FBXL2: variants seen among roughly 807,000 people sequenced by gnomAD.
FBXL2 encodes F-box and leucine rich repeat protein 2, also known as F-box/LRR-repeat protein 2.
FBXL2 carries 38 observed loss-of-function variants against 69.2 expected under a neutral mutation model. The ratio of observed to expected loss-of-function variants is 0.55; its 90% confidence interval spans 0.42 to 0.72. The LOEUF is 0.72. FBXL2 is among the 30% of genes least tolerant of loss of function. FBXL2 has a pLI of 0.00. For synonymous variants in FBXL2, 192 were observed against 201.3 expected, an observed-to-expected ratio of 0.95 and a Z score of 0.39; for missense variants, 354 against 520.3, an observed-to-expected ratio of 0.68 and a Z score of 3.11.
intron 2 of FBXL2, among the ~76,000 whole-genome samples, chr3:33,315,704 CTG>C (rs1305414340): frequency 6.6e-6 from 1 of 152,004 alleles, no homozygotes; most frequent in Admixed American, 6.6e-5. Flanking sequence ...CTGATTTACA[CTG>C]TTCTTTCATG....
At chr3:33,291,121 G>C (rs2035179734) in intron 1 of FBXL2, among the ~76,000 whole-genome samples, 1 of 152,110 alleles carries the variant, frequency 6.6e-6, no homozygotes, top group South Asian at 2.1e-4. Flanking sequence ...TGTAGAGACA[G>C]TGTCTTACTG....
At chr3:33,291,779 G>A (rs2035249458) in intron 1 of FBXL2, among the ~76,000 whole-genome samples, 1 of 152,052 alleles carries the variant, frequency 6.6e-6, no homozygotes, top group Admixed American at 6.6e-5. Context: ...ACAAAGAAGA[G>A]AAGCAAATGG....
chr3:33,379,297 TGACCTGAATTAGCA>T, intron 13 of FBXL2, among the ~76,000 whole-genome samples: 1 of 151,878 alleles, frequency 6.6e-6, no homozygotes, highest in South Asian at 2.1e-4. Context: ...CTACCGCACC[TGACCTGAATTAGCA>T]TCAATTCTAT....
chr3:33,393,584 G>A, intron 12 of FBXL2: 3 of 793,254 alleles, frequency 3.8e-6, no homozygotes, highest in Non-Finnish European at 3.6e-6. Context: ...CATTTTAAAT[G>A]GGAATAAACT....
intron 3 of FBXL2, 113 bp from the exon 4 acceptor site, chr3:33,359,170 A>G: frequency 4.1e-6 from 4 of 984,250 alleles, no homozygotes; most frequent in East Asian, 2.6e-5. Context: ...TTAACTTAAT[A>G]TACATCAAAA....
At chr3:33,363,553 C>T (rs2041768846) in intron 4 of FBXL2, among the ~76,000 whole-genome samples, 1 of 152,202 alleles carries the variant, frequency 6.6e-6, no homozygotes, top group Non-Finnish European at 1.5e-5. Context: ...GCAAGCACCT[C>T]AGCTGGTGAT....
intron 2 of FBXL2, among the ~76,000 whole-genome samples, chr3:33,304,894 A>G (rs2036583388): frequency 6.6e-6 from 1 of 152,016 alleles, no homozygotes; most frequent in African/African-American, 2.4e-5. Flanking sequence ...CCTGGATTCT[A>G]GTAATGTTGA....
At position 33,287,156 on chromosome 3, in the gene FBXL2, C is replaced by T. The variant is rs1460647002; in HGVS notation, c.3+9641C>T. On this transcript the variant is annotated intron_variant, in intron 1 of 14. Coordinates refer to ENST00000484457, the MANE Select transcript of FBXL2 (RefSeq NM_012157.5). Reference sequence around the variant, plus strand: ...TTCCCATTCCGCCATCTTGGAACCTCCCACCCTAAAGTGATTTTTTTTTAA... The same window carrying T: ...TTCCCATTCCGCCATCTTGGAACCTTCCACCCTAAAGTGATTTTTTTTTAA... Among the ~76,000 whole-genome samples, 3 of 152,152 alleles carry T rather than the reference C, an allele frequency of 2.0e-5. No individual in the cohort carries two copies. The South Asian group carries it at 6.2e-4, about 32-fold the overall frequency.
chr3:33,397,249 T>A (rs2044036328), intron 12 of FBXL2: 2 of 678,568 alleles, frequency 2.9e-6, no homozygotes, highest in Non-Finnish European at 4.8e-6. Context: ...ATATCCTGAA[T>A]ACACACATAC....
chr3:33,411,347 C>T, the FBXL2 span, among the ~76,000 whole-genome samples: 1 of 152,074 alleles, frequency 6.6e-6, no homozygotes, highest in African/African-American at 2.4e-5. Flanking sequence ...ATTGGGACTA[C>T]TAGTGGTAAA....
At chr3:33,336,672 C>T (rs1010255443) in intron 2 of FBXL2, among the ~76,000 whole-genome samples, 26 of 152,088 alleles carry the variant, frequency 1.7e-4, no homozygotes, top group Admixed American at 1.2e-3. Flanking sequence ...TTTGGGAGAC[C>T]GAGGTGGGTG....
intron 2 of FBXL2, among the ~76,000 whole-genome samples, chr3:33,335,487 C>T (rs1355570114): frequency 6.6e-6 from 1 of 151,940 alleles, no homozygotes. Flanking sequence ...AAACCGTGAG[C>T]CAAGATTGCA....
intron 2 of FBXL2, among the ~76,000 whole-genome samples, chr3:33,314,343 C>G (rs1343932218): frequency 6.6e-5 from 10 of 152,148 alleles, no homozygotes; most frequent in Admixed American, 6.5e-4. Context: ...TTCCCAGCCC[C>G]TAGCAACCAC....
At position 33,395,750 on chromosome 3, in the gene FBXL2, GAAAAAAAAAAA is replaced by G. The variant is rs61654235; in HGVS notation, n.1215-7471_1215-7461del. ...CTCCCCATACCTAGTCAGGAAAATT[GAAAAAAAAAAA>G]AAAAAAAAAAAAGAAAAAGGAAAGA... On this transcript the variant is annotated intron_variant and non_coding_transcript_variant, in intron 12 of 12. Coordinates refer to the FBXL2 transcript ENST00000463736. Among the ~76,000 whole-genome samples the G allele has an allele frequency of 9.0e-4, 63 of 69,796 alleles. 1 individual carries two copies. Among genetic ancestry groups the G allele is most frequent in the African/African-American group, 3.6e-3 (58 of 15,988 alleles). 45.8% of individuals were successfully genotyped at this position (69,796 alleles called of 152,430 possible).
chr3:33,394,195 TTATTA>T (rs2043877111), intron 12 of FBXL2, among the ~76,000 whole-genome samples: 1 of 62,868 alleles, frequency 1.6e-5, no homozygotes, highest in African/African-American at 7.9e-5. Context: ...CTAATTTTTA[TTATTA>T]TTATTATTAT....
chr3:33,299,604 A>G (rs1483333709), intron 2 of FBXL2, among the ~76,000 whole-genome samples: 1 of 152,208 alleles, frequency 6.6e-6, no homozygotes. Context: ...GAAATGGGGT[A>G]AGGACTTAGC....
In FBXL2 at chr3:33,387,618, A is replaced by AAAACAAAAC; in HGVS notation, c.*2017_*2018insACAAACAAA. The AAAACAAAAC allele has an allele frequency of 6.6e-6, 1 of 150,406 alleles. No individual in the cohort carries two copies. Among genetic ancestry groups the AAAACAAAAC allele is most frequent in the African/African-American group, 2.5e-5 (1 of 39,958 alleles). The allele number at this position is 150,406 out of a possible 1,614,324, so 9.3% of individuals were successfully genotyped here. ...TGAGACTCCATCATCATCTCAAAAC[A>AAAACAAAAC]AAACAAACAAACAAACAAAACAAAC... On this transcript the variant is annotated 3_prime_UTR_variant, in exon 15 of 15. Coordinates refer to ENST00000484457, the MANE Select transcript of FBXL2 (RefSeq NM_012157.5).
intron 2 of FBXL2, among the ~76,000 whole-genome samples, chr3:33,322,855 G>C (rs573059111): frequency 5.9e-5 from 9 of 152,244 alleles, no homozygotes; most frequent in African/African-American, 2.2e-4. Context: ...AATTTGAAAG[G>C]TATGATGAAG....
intron 2 of FBXL2, among the ~76,000 whole-genome samples, chr3:33,315,132 C>T (rs1395746037): frequency 6.6e-6 from 1 of 152,100 alleles, no homozygotes; most frequent in Non-Finnish European, 1.5e-5. Context: ...TTTGTTTCTG[C>T]TTAAAGTGAA....
Sources: gnomAD v4.1 joint callset for allele counts (sites outside exome capture counted in the v4.1 genomes callset) on GRCh38, gnomAD v4.1.1 for gene constraint, MANE v1.5 for transcripts, NCBI Gene and HGNC (gene_info 2026-07-23, HGNC 2026-07-21) for gene names.